The following VOPP1 variants were observed in gnomAD, a reference collection of about 807,000 sequenced individuals.
The protein encoded by VOPP1 is VOPP1 WW domain binding protein.
In VOPP1, 8 loss-of-function variants were observed where a neutral mutation model predicts 23.5. That is an observed-to-expected ratio of 0.34 (90% CI 0.20 to 0.61). The LOEUF (loss-of-function observed/expected upper bound fraction) is 0.61. VOPP1 is among the 20% of genes least tolerant of loss of function. The pLI is 0.78. For synonymous variants in VOPP1, 83 were observed against 97.3 expected, an observed-to-expected ratio of 0.85 and a Z score of 0.86; for missense variants, 174 against 238.1, an observed-to-expected ratio of 0.73 and a Z score of 1.77.
At chr7:55,458,366 T>A (rs1791418966) in intron 4 of VOPP1, among the ~76,000 whole-genome samples, 1 of 152,208 alleles carries the variant, frequency 6.6e-6, no homozygotes. Context: ...TGCTTCCAGC[T>A]TTTTCTTTTT....
chr7:55,467,747 T>C (rs1791668561), downstream of VOPP1, among the ~76,000 whole-genome samples: 1 of 152,334 alleles, frequency 6.6e-6, no homozygotes, highest in Middle Eastern at 3.4e-3. Context: ...TCCTTTCCCA[T>C]AGGTGGCTGT....
At chr7:55,476,993 T>A (rs1254391883) in intron 4 of VOPP1, among the ~76,000 whole-genome samples, 2 of 152,200 alleles carry the variant, frequency 1.3e-5, no homozygotes, top group African/African-American at 4.8e-5. Flanking sequence ...CCTCACTAGA[T>A]AACATATCCC....
At chr7:55,510,317 G>A (rs112155283) in intron 2 of VOPP1, among the ~76,000 whole-genome samples, 2,457 of 152,276 alleles carry the variant, frequency 0.016, 83 homozygotes, top group African/African-American at 0.057. Context: ...ATGGGTCCAG[G>A]TGCTGGGGTG....
intron 4 of VOPP1, among the ~76,000 whole-genome samples, chr7:55,491,690 A>G (rs1455428290): frequency 6.6e-6 from 1 of 152,228 alleles, no homozygotes; most frequent in Non-Finnish European, 1.5e-5. Flanking sequence ...AGAAACAGCT[A>G]ATTCATTTTG....
intron 2 of VOPP1, chr7:55,515,854 G>A (rs1298662789): frequency 2.6e-5 from 14 of 536,124 alleles, no homozygotes; most frequent in South Asian, 2.4e-4. Context: ...CACCTTAGTC[G>A]GCAGCACTTT....
At chr7:55,440,264 A>C (rs971940520) in intron 4 of VOPP1, among the ~76,000 whole-genome samples, 1 of 152,186 alleles carries the variant, frequency 6.6e-6, no homozygotes, top group South Asian at 2.1e-4. Flanking sequence ...GGGGTGGCTC[A>C]TGTCTGTGAA....
intron 4 of VOPP1, among the ~76,000 whole-genome samples, chr7:55,489,887 C>T (rs1793437631): frequency 6.6e-6 from 1 of 151,986 alleles, no homozygotes; most frequent in African/African-American, 2.4e-5. Flanking sequence ...GGCAGGGGAC[C>T]CAGGGAGAAA....
Position 55,441,394 on chromosome 7 carries a change from C to CT in VOPP1, n.418-5221_418-5220insA, listed in dbSNP as rs1326838225. 2.5e-3 allele frequency among the ~76,000 whole-genome samples: 378 copies of CT among 152,330 alleles called. 3 individuals carry two copies. Among genetic ancestry groups the CT allele is most frequent in the African/African-American group, 8.9e-3 (369 of 41,570 alleles). On this transcript the variant is annotated intron_variant and non_coding_transcript_variant, in intron 4 of 4. Coordinates refer to the VOPP1 transcript ENST00000462326. ...ATGCCTGAAACTCCTGTATTCCACA[C>CT]CCAGAGACAAGCGCACAGTTAAAAG...
intron 1 of VOPP1, among the ~76,000 whole-genome samples, chr7:55,552,367 T>C (rs968133026): frequency 6.6e-6 from 1 of 152,228 alleles, no homozygotes; most frequent in African/African-American, 2.4e-5. Flanking sequence ...TTCATAGGAA[T>C]GGGGTGGGAA....
chr7:55,571,888 C>T, intron 1 of VOPP1: 1 of 185,164 alleles, frequency 5.4e-6, no homozygotes, highest in Admixed American at 6.2e-5. Flanking sequence ...TCCGCGCCTG[C>T]GCCGCGCCCG....
chr7:55,480,911 A>G (rs1792659169), intron 4 of VOPP1, among the ~76,000 whole-genome samples: 1 of 152,218 alleles, frequency 6.6e-6, no homozygotes, highest in Non-Finnish European at 1.5e-5. Flanking sequence ...GTTTAGAGAG[A>G]CAATGAGCAA....
intron 2 of VOPP1, among the ~76,000 whole-genome samples, chr7:55,510,404 G>A (rs1266161832): frequency 1.3e-5 from 2 of 152,004 alleles, no homozygotes; most frequent in African/African-American, 2.4e-5. Context: ...CTTGTTTGTG[G>A]AGGCCTGGGG....
At chr7:55,521,035 C>A in intron 2 of VOPP1, 37 bp downstream of exon 2, 1 of 1,549,490 alleles carries the variant, frequency 6.5e-7, no homozygotes, top group Non-Finnish European at 8.7e-7. Flanking sequence ...AAAGGTATGG[C>A]CACAGAATGA....
At chr7:55,448,666 G>C (rs1009909394) in intron 4 of VOPP1, among the ~76,000 whole-genome samples, 1 of 152,206 alleles carries the variant, frequency 6.6e-6, no homozygotes, top group African/African-American at 2.4e-5. Context: ...AGGGAAGGGA[G>C]AGACCTTGGG....
intron 4 of VOPP1, among the ~76,000 whole-genome samples, chr7:55,440,946 A>G (rs1485583462): frequency 2.0e-5 from 3 of 152,182 alleles, no homozygotes; most frequent in East Asian, 1.9e-4. Flanking sequence ...TCAGGGATCA[A>G]AGAGGGGCAC....
At chr7:55,459,757 TTTTCATGG>T (rs2094794375) in intron 4 of VOPP1, among the ~76,000 whole-genome samples, 2 of 152,276 alleles carry the variant, frequency 1.3e-5, no homozygotes, top group South Asian at 4.1e-4. Context: ...CTTCTTCCTT[TTTTCATGG>T]TTAGTCTAGC....
intron 1 of VOPP1, among the ~76,000 whole-genome samples, chr7:55,554,534 G>A (rs1274269900): frequency 5.3e-5 from 8 of 152,334 alleles, no homozygotes; most frequent in Non-Finnish European, 8.8e-5. Flanking sequence ...CGGGGCCTGG[G>A]AGAGGCACAT....
At chr7:55,519,470 C>A (rs140582880) in intron 2 of VOPP1, among the ~76,000 whole-genome samples, 1 of 152,260 alleles carries the variant, frequency 6.6e-6, no homozygotes, top group Non-Finnish European at 1.5e-5. Flanking sequence ...GAAGAGCACA[C>A]AGGAGGAGGC....
downstream of VOPP1, among the ~76,000 whole-genome samples, chr7:55,467,163 C>T (rs1203398859): frequency 6.6e-6 from 1 of 152,232 alleles, no homozygotes; most frequent in African/African-American, 2.4e-5. Context: ...CACTCACCAC[C>T]TGCTGTATGA....
Sources: gnomAD v4.1 joint callset for allele counts (sites outside exome capture counted in the v4.1 genomes callset) on GRCh38, gnomAD v4.1.1 for gene constraint, MANE v1.5 for transcripts, NCBI Gene and HGNC (gene_info 2026-07-23, HGNC 2026-07-21) for gene names.